CHRDL1: variants seen among roughly 807,000 people sequenced by gnomAD.
The protein encoded by CHRDL1 is chordin like 1, also known as chordin-like protein 1.
CHRDL1 carries 19 observed loss-of-function variants against 40.9 expected under a neutral mutation model. The observed-to-expected ratio is 0.46, with a 90% CI of 0.32 to 0.68. The LOEUF (loss-of-function observed/expected upper bound fraction) is 0.68, where lower values mean the gene tolerates loss of function less well. CHRDL1 is among the 30% of genes least tolerant of loss of function. The probability of loss-of-function intolerance (pLI) is 0.03; values close to 1 mark genes in which losing one functional copy is unlikely to be tolerated. For missense variants in CHRDL1, 329 were observed against 352.1 expected, an observed-to-expected ratio of 0.93 and a Z score of 0.53; for synonymous variants, 136 against 123.4, an observed-to-expected ratio of 1.10 and a Z score of -0.68.
chrX:110,786,178 C>T (rs1204626575), intron 2 of CHRDL1, among the ~76,000 whole-genome samples: 2 of 112,065 alleles, frequency 1.8e-5, no homozygotes, highest in Non-Finnish European at 3.8e-5. Context: ...TTTCTCTTTT[C>T]ATCCTTTTGG....
intron 8 of CHRDL1, among the ~76,000 whole-genome samples, chrX:110,689,126 T>A (rs1369081135): frequency 2.1e-5 from 2 of 93,088 alleles, no homozygotes; most frequent in Non-Finnish European, 4.1e-5. Flanking sequence ...TAAGACCGGA[T>A]CTTGCTCTGT....
chrX:110,749,426 T>C (rs1904867), intron 4 of CHRDL1, among the ~76,000 whole-genome samples: 1 of 111,968 alleles, frequency 8.9e-6, no homozygotes, highest in Admixed American at 9.5e-5. Flanking sequence ...TACTGAGAGA[T>C]ACAGTACATA....
intron 4 of CHRDL1, among the ~76,000 whole-genome samples, chrX:110,746,078 A>G (rs2089245008): frequency 1.8e-5 from 2 of 111,780 alleles, no homozygotes; most frequent in Admixed American, 1.9e-4. Flanking sequence ...CAGTTCCCAG[A>G]CATTTCTAAA....
At chrX:110,794,055 A>T (rs1446791130) in intron 1 of CHRDL1, among the ~76,000 whole-genome samples, 1 of 112,086 alleles carries the variant, frequency 8.9e-6, no homozygotes, top group Non-Finnish European at 1.9e-5. Flanking sequence ...AAGATCCTGA[A>T]GTCCTGCCTT....
At chrX:110,779,465 A>AT (rs779353659) in intron 2 of CHRDL1, among the ~76,000 whole-genome samples, 58 of 111,222 alleles carry the variant, frequency 5.2e-4, no homozygotes, top group African/African-American at 1.8e-3. Context: ...TCAAAAGACT[A>AT]TTTTTTCTCC....
intron 11 of CHRDL1, 48 bp from the exon 12 acceptor site, chrX:110,676,409 G>A: frequency 8.5e-7 from 1 of 1,173,767 alleles, no homozygotes; most frequent in South Asian, 1.8e-5. Flanking sequence ...TAAGAGGAAA[G>A]CAGAGCAAAT....
intron 2 of CHRDL1, among the ~76,000 whole-genome samples, chrX:110,764,349 C>T (rs1173051950): frequency 5.4e-5 from 6 of 112,055 alleles, no homozygotes; most frequent in South Asian, 3.8e-4. Flanking sequence ...TCAGGGACCC[C>T]GAACAGAGGG....
At chrX:110,722,921 G>T (rs1449672642) in intron 4 of CHRDL1, among the ~76,000 whole-genome samples, 2 of 110,905 alleles carry the variant, frequency 1.8e-5, no homozygotes, top group Non-Finnish European at 3.8e-5. Flanking sequence ...TCTATTTTGT[G>T]GTGGGTAAGT....
chrX:110,791,376 GT>G (rs2090097024), intron 2 of CHRDL1, among the ~76,000 whole-genome samples: 1 of 111,896 alleles, frequency 8.9e-6, no homozygotes, highest in Admixed American at 9.5e-5. Context: ...GAACGGATAT[GT>G]CGACCGTTAC....
chrX:110,718,794 C>T (rs774545925), intron 6 of CHRDL1, among the ~76,000 whole-genome samples: 4 of 111,891 alleles, frequency 3.6e-5, no homozygotes, highest in Non-Finnish European at 5.6e-5. Flanking sequence ...TGTATTTCCA[C>T]GTTTGCTTAT....
Position 110,751,616 on chromosome X carries a change from A to C in CHRDL1, c.301+8045T>G, listed in dbSNP as rs552837839. 3.6e-5 allele frequency among the ~76,000 whole-genome samples: 4 copies of C among 112,166 alleles called. No individual in the cohort carries two copies. In the South Asian group the frequency reaches 1.5e-3, roughly 42 times the overall value. ...AGAATGGTTATGTTCAAAAAGACAA[A>C]ATGTAATAGATTCTAGTGAGGATGT... is the stretch of plus-strand genomic sequence containing the variant. On this transcript the variant is annotated intron_variant, in intron 4 of 11. Transcript: ENST00000372042.
At chrX:110,759,632 C>A in intron 4 of CHRDL1, 29 bp downstream of exon 4, 1 of 1,023,466 alleles carries the variant, frequency 9.8e-7, no homozygotes, top group Non-Finnish European at 1.4e-6. Flanking sequence ...AGAACCACAG[C>A]TAGGAAAGAA....
chrX:110,731,770 G>A (rs1232917594), intron 4 of CHRDL1, among the ~76,000 whole-genome samples: 2 of 111,391 alleles, frequency 1.8e-5, no homozygotes, highest in Non-Finnish European at 3.8e-5. Flanking sequence ...CAAATCCATA[G>A]AGAGAGAAAG....
chrX:110,774,725 C>A (rs1020058353), intron 2 of CHRDL1, among the ~76,000 whole-genome samples: 1 of 111,493 alleles, frequency 9.0e-6, no homozygotes, highest in African/African-American at 3.3e-5. Flanking sequence ...GATATTTGTA[C>A]TAAAACATAC....
At chrX:110,787,560 G>A (rs2090036623) in intron 2 of CHRDL1, among the ~76,000 whole-genome samples, 1 of 112,418 alleles carries the variant, frequency 8.9e-6, no homozygotes, top group South Asian at 3.7e-4. Flanking sequence ...GAATCTGGAG[G>A]AGGAAAACCC....
At chrX:110,749,333 G>A (rs1001859741) in intron 4 of CHRDL1, among the ~76,000 whole-genome samples, 1 of 111,308 alleles carries the variant, frequency 9.0e-6, no homozygotes, top group African/African-American at 3.3e-5. Context: ...CAAGTTTGAC[G>A]TATTTCTCTG....
At position 110,688,676 on chromosome X, in the gene CHRDL1, G is replaced by A; in HGVS notation, c.906C>T (p.His302=). ...NVTKQECKKI[H]CPNRYPCKYP... is the part of the protein sequence containing the mutation. Reference sequence around the variant, plus strand: ...ACTTGCAGGGGTATCGATTGGGGCAGTGGATTTTCTTACACTCTTGCTTGG... The same window carrying A: ...ACTTGCAGGGGTATCGATTGGGGCAATGGATTTTCTTACACTCTTGCTTGG... Residue 302 remains histidine, a synonymous_variant, in exon 9 of 12, where the codon CAC becomes CAT. Coordinates refer to ENST00000372042, the MANE Select transcript of CHRDL1 (RefSeq NM_001143981.2). 1 of 1,209,009 alleles carries A rather than the reference G, an allele frequency of 8.3e-7. No individual in the cohort carries two copies. The highest frequency in any genetic ancestry group is 1.8e-5 in the South Asian group (1 of 56,875).
At chrX:110,685,051 A>G (rs752246466) in intron 9 of CHRDL1, among the ~76,000 whole-genome samples, 1 of 112,340 alleles carries the variant, frequency 8.9e-6, no homozygotes, top group South Asian at 3.7e-4. Flanking sequence ...ACTGGAGGGC[A>G]GTTTTTTACA....
intron 7 of CHRDL1, among the ~76,000 whole-genome samples, chrX:110,700,010 T>C (rs377467743): frequency 1.8e-5 from 2 of 112,648 alleles, no homozygotes; most frequent in African/African-American, 6.4e-5. Context: ...AAATTTGTAG[T>C]GTAAAGCTTC....
Sources: allele counts gnomAD v4.1 joint callset (sites outside exome capture counted in the v4.1 genomes callset), GRCh38; gene constraint gnomAD v4.1.1; transcripts MANE v1.5; gene names NCBI Gene and HGNC (gene_info 2026-07-23, HGNC 2026-07-21).